NHS: variants seen among roughly 807,000 people sequenced by gnomAD.
NHS encodes actin remodeling regulator NHS.
NHS carries 5 observed loss-of-function variants against 72.5 expected under a neutral mutation model. The ratio of observed to expected loss-of-function variants is 0.07; its 90% confidence interval spans 0.04 to 0.14. The LOEUF is 0.14. NHS is among the 10% of genes least tolerant of loss of function. NHS has a pLI of 1.00. For missense variants in NHS, 1,072 were observed against 1,355.7 expected (o/e 0.79, Z 3.29); for synonymous variants, 464 against 547.7 (o/e 0.85, Z 2.13).
chrX:17,376,192 C>T lies in NHS; in HGVS notation c.435C>T (p.His145=). 8.4e-7 allele frequency: 1 copy of T among 1,190,273 alleles called. No individual in the cohort carries two copies. Among genetic ancestry groups the T allele is most frequent in the Non-Finnish European group, 1.1e-6 (1 of 890,692 alleles). The change falls in exon 1 of 9, where the codon CAC becomes CAT. Residue 145 remains histidine, a synonymous_variant. Coordinates refer to ENST00000676302, the MANE Select transcript of NHS (RefSeq NM_001291867.2). The part of the protein sequence containing the change: ...VLRQLSDVAR[H]ACSLFQELES... ...GGCAGCTCTCGGACGTGGCCCGGCA[C>T]GCTTGCAGCCTCTTCCAGGAGCTCG...
At chrX:17,623,004 T>C (rs377765319) in intron 1 of NHS, among the ~76,000 whole-genome samples, 1 of 111,535 alleles carries the variant, frequency 9.0e-6, no homozygotes, top group South Asian at 3.9e-4. Flanking sequence ...CATAGCTCAC[T>C]GCAGCTTCAT....
chrX:17,726,539 T>C lies in NHS; in HGVS notation c.2433T>C (p.Asn811=), dbSNP rs748775195. 10 of 1,211,654 alleles carry C rather than the reference T, an allele frequency of 8.3e-6. No individual in the cohort carries two copies. The highest frequency in any genetic ancestry group is 2.2e-5 in the Admixed American group (1 of 46,080). Residue 811 remains asparagine, a synonymous_variant, in exon 7 of 9, where the codon AAT becomes AAC. Coordinates refer to ENST00000676302, the MANE Select transcript of NHS (RefSeq NM_001291867.2). The part of the protein sequence containing the change: ...VCHYAALGPE[N]GQGVGASPGL... Reference sequence around the variant, plus strand: ...ACTATGCAGCCCTGGGCCCAGAGAATGGCCAGGGTGTAGGGGCTTCCCCTG... The same window carrying C: ...ACTATGCAGCCCTGGGCCCAGAGAACGGCCAGGGTGTAGGGGCTTCCCCTG...
chrX:17,384,714 C>T (rs2064396613), intron 1 of NHS, among the ~76,000 whole-genome samples: 1 of 112,290 alleles, frequency 8.9e-6, no homozygotes, highest in Non-Finnish European at 1.9e-5. Flanking sequence ...GTAAAAATCT[C>T]TCCTATTGTC....
chrX:17,626,274 T>C (rs952628889), intron 1 of NHS, among the ~76,000 whole-genome samples: 6 of 112,045 alleles, frequency 5.4e-5, no homozygotes, highest in African/African-American at 1.6e-4. Context: ...CCTAGAAAAC[T>C]GGTGCCATGA....
At chrX:17,544,928 G>A (rs1165345376) in intron 1 of NHS, among the ~76,000 whole-genome samples, 2 of 112,752 alleles carry the variant, frequency 1.8e-5, no homozygotes, top group East Asian at 5.5e-4. Flanking sequence ...GAGTCCCAGC[G>A]ACACTAACTC....
At chrX:17,674,468 G>A (rs904253860) in intron 1 of NHS, among the ~76,000 whole-genome samples, 1 of 112,202 alleles carries the variant, frequency 8.9e-6, no homozygotes, top group African/African-American at 3.2e-5. Context: ...CTACAAAAAT[G>A]TCAATTTCAT....
chrX:17,593,231 A>G (rs1249242614), intron 1 of NHS, among the ~76,000 whole-genome samples: 2 of 111,634 alleles, frequency 1.8e-5, no homozygotes, highest in African/African-American at 3.3e-5. Context: ...CTATAAAATG[A>G]GGATACAACA....
chrX:17,606,341 T>C (rs768781652), intron 1 of NHS, among the ~76,000 whole-genome samples: 10 of 111,848 alleles, frequency 8.9e-5, no homozygotes, highest in Non-Finnish European at 1.9e-4. Context: ...TGTGAGTCAG[T>C]GTTTTGCTGA....
intron 1 of NHS, among the ~76,000 whole-genome samples, chrX:17,569,171 G>C (rs1244498930): frequency 1.8e-5 from 2 of 111,944 alleles, no homozygotes; most frequent in Non-Finnish European, 3.8e-5. Flanking sequence ...AATCCTTTGA[G>C]TATATGCCCA....
intron 1 of NHS, among the ~76,000 whole-genome samples, chrX:17,548,941 C>T (rs940832091): frequency 2.7e-5 from 3 of 109,793 alleles, no homozygotes; most frequent in East Asian, 2.9e-4. Context: ...AATTTTGTAA[C>T]GTCATACTTG....
In NHS at chrX:17,725,679, C is replaced by A. The variant is rs1272651793; in HGVS notation, c.1573C>A (p.Pro525Thr). 5.0e-6 allele frequency: 6 copies of A among 1,209,107 alleles called. No individual in the cohort carries two copies. In the East Asian group the frequency reaches 1.5e-4, roughly 30 times the overall value. Residue 525 changes from proline to threonine, a missense_variant, in exon 7 of 9, where the codon CCC becomes ACC. Transcript: ENST00000676302. ...TGCTGAGCCCAAAGTTGGCGCTAAACCCTCAGCATATGAAGAGGGAGAGTC... is the reference window on the plus strand; with the variant it reads ...TGCTGAGCCCAAAGTTGGCGCTAAAACCTCAGCATATGAAGAGGGAGAGTC... ...GDAEPKVGAK[P>T]SAYEEGESFV...
intron 1 of NHS, among the ~76,000 whole-genome samples, chrX:17,427,695 G>A (rs571554631): frequency 1.8e-5 from 2 of 112,612 alleles, no homozygotes; most frequent in East Asian, 2.8e-4. Flanking sequence ...ACAGATAATA[G>A]AGGCTGGGTT....
At chrX:17,644,836 C>G (rs2065898435) in intron 1 of NHS, among the ~76,000 whole-genome samples, 1 of 110,456 alleles carries the variant, frequency 9.1e-6, no homozygotes, top group Non-Finnish European at 1.9e-5. Flanking sequence ...CTATATTTAT[C>G]CTGTGGCTTC....
intron 1 of NHS, among the ~76,000 whole-genome samples, chrX:17,602,438 C>T (rs2065655173): frequency 9.0e-6 from 1 of 111,497 alleles, no homozygotes. Context: ...TTGGGTGGGG[C>T]AGGCTTTCAA....
chrX:17,660,902 A>G (rs1446640977), intron 1 of NHS, among the ~76,000 whole-genome samples: 1 of 112,729 alleles, frequency 8.9e-6, no homozygotes, highest in Non-Finnish European at 1.9e-5. Context: ...TACAAAGTTG[A>G]GGATTCCCAA....
chrX:17,413,034 T>G (rs1486944199), intron 1 of NHS, among the ~76,000 whole-genome samples: 1 of 112,516 alleles, frequency 8.9e-6, no homozygotes, highest in Non-Finnish European at 1.9e-5. Context: ...ACTATGAAGC[T>G]TTTAAACTTA....
intron 1 of NHS, among the ~76,000 whole-genome samples, chrX:17,445,668 G>T (rs1327885642): frequency 1.0e-5 from 1 of 97,979 alleles, no homozygotes; most frequent in East Asian, 3.6e-4. Context: ...AAAGATCATT[G>T]TTCTTTAACA....
intron 1 of NHS, among the ~76,000 whole-genome samples, chrX:17,649,596 C>A (rs1197446082): frequency 9.1e-6 from 1 of 110,440 alleles, no homozygotes; most frequent in Non-Finnish European, 1.9e-5. Flanking sequence ...ATTTTATATT[C>A]ATTGCCGGTA....
At chrX:17,591,757 A>G (rs1028157451) in intron 1 of NHS, among the ~76,000 whole-genome samples, 1 of 111,845 alleles carries the variant, frequency 8.9e-6, no homozygotes, top group African/African-American at 3.3e-5. Context: ...AGGAGTCTTA[A>G]AAACAAAAAG....
Sources: gnomAD v4.1 joint callset for allele counts (sites outside exome capture counted in the v4.1 genomes callset) on GRCh38, gnomAD v4.1.1 for gene constraint, MANE v1.5 for transcripts, NCBI Gene and HGNC (gene_info 2026-07-23, HGNC 2026-07-21) for gene names.